The following ZBTB20 variants were observed in gnomAD, a reference collection of about 807,000 sequenced individuals.
ZBTB20 encodes the protein zinc finger and BTB domain containing 20.
In ZBTB20, 9 loss-of-function variants were observed where a neutral mutation model predicts 56.9. That is an observed-to-expected ratio of 0.16 (90% CI 0.10 to 0.28). The LOEUF (loss-of-function observed/expected upper bound fraction) is 0.28. Among genes scored for constraint, ZBTB20 ranks in the 10% least tolerant of loss-of-function variants. The pLI, the probability that ZBTB20 is intolerant of heterozygous loss-of-function variation, is 1.00. For synonymous variants in ZBTB20, 417 were observed against 420.7 expected (o/e 0.99, Z 0.11); for missense variants, 655 against 1,003.0 (o/e 0.65, Z 4.69).
intron 3 of ZBTB20, among the ~76,000 whole-genome samples, chr3:114,952,223 A>G (rs943510590): frequency 3.3e-5 from 5 of 152,104 alleles, no homozygotes; most frequent in African/African-American, 1.2e-4. Flanking sequence ...GAGGTAAGTA[A>G]GATAGACTAA....
intron 6 of ZBTB20, among the ~76,000 whole-genome samples, chr3:114,575,084 A>G (rs1158864010): frequency 6.6e-6 from 1 of 152,210 alleles, no homozygotes; most frequent in East Asian, 1.9e-4. Flanking sequence ...TGAACTACCC[A>G]TGGTCATGGA....
intron 7 of ZBTB20, among the ~76,000 whole-genome samples, chr3:114,427,704 T>G (rs1378698130): frequency 1.3e-5 from 2 of 152,250 alleles, no homozygotes; most frequent in South Asian, 4.1e-4. Context: ...TGTCTGGGTC[T>G]TCCCCTCAGC....
chr3:114,350,391 A>G lies in ZBTB20; in HGVS notation c.1687T>C (p.Ser563Pro), dbSNP rs1576281165. Residue 563 changes from serine (S) to proline (P), a missense_variant, in exon 11 of 12, where the codon TCC becomes CCC. Physicochemically the swap from Ser to Pro is moderately conservative, Grantham distance 74. Transcript: ENST00000675478. ...QLPAPQPLASSAGHSTASGQG... is the reference protein window; with the variant it reads ...QLPAPQPLASPAGHSTASGQG... ...CCACTGGCTGTGCTGTGGCCTGCGG[A>G]TGAGGCCAGGGGCTGTGGCGCTGGC... 6.2e-7 allele frequency: 1 copy of G among 1,613,990 alleles called. No individual in the cohort carries two copies. Among genetic ancestry groups the G allele is most frequent in the Non-Finnish European group, 8.5e-7 (1 of 1,180,002 alleles).
intron 2 of ZBTB20, among the ~76,000 whole-genome samples, chr3:114,998,126 A>T (rs769935162): frequency 5.9e-5 from 9 of 151,742 alleles, no homozygotes; most frequent in Non-Finnish European, 1.2e-4. Flanking sequence ...GCAAATTAGT[A>T]TAGATAGGTC....
At chr3:114,526,638 C>G (rs1356778913) in intron 6 of ZBTB20, among the ~76,000 whole-genome samples, 1 of 152,150 alleles carries the variant, frequency 6.6e-6, no homozygotes, top group Non-Finnish European at 1.5e-5. Context: ...AACCTTTTAC[C>G]AGGTTTTGCT....
chr3:114,911,544 A>G (rs149559823), intron 3 of ZBTB20, among the ~76,000 whole-genome samples: 2,001 of 152,208 alleles, frequency 0.013, 23 homozygotes, highest in Non-Finnish European at 0.023. Flanking sequence ...TCATTAAAAA[A>G]TTAGTTTAGT....
chr3:115,003,184 T>C (rs891771512), intron 2 of ZBTB20, among the ~76,000 whole-genome samples: 1 of 151,622 alleles, frequency 6.6e-6, no homozygotes, highest in Admixed American at 6.6e-5. Flanking sequence ...AGGATTTCTA[T>C]GGCAGTGAAA....
At chr3:114,742,508 T>A (rs1301728862) in intron 5 of ZBTB20, among the ~76,000 whole-genome samples, 3 of 152,190 alleles carry the variant, frequency 2.0e-5, no homozygotes, top group Non-Finnish European at 2.9e-5. Flanking sequence ...CCAGGTACGA[T>A]GTCAAACATT....
chr3:114,945,670 A>G (rs1460786904), intron 3 of ZBTB20, among the ~76,000 whole-genome samples: 2 of 145,788 alleles, frequency 1.4e-5, no homozygotes, highest in African/African-American at 2.8e-5. Context: ...GTACAGTAAG[A>G]TGATAGAATT....
chr3:114,369,565 C>T (rs1174713375), intron 10 of ZBTB20, among the ~76,000 whole-genome samples: 2 of 152,182 alleles, frequency 1.3e-5, no homozygotes, highest in African/African-American at 2.4e-5. Flanking sequence ...TTCCAGATCA[C>T]CATCCTACAG....
At chr3:114,742,650 A>G (rs1254273311) in intron 5 of ZBTB20, among the ~76,000 whole-genome samples, 3 of 152,220 alleles carry the variant, frequency 2.0e-5, no homozygotes, top group Admixed American at 2.0e-4. Flanking sequence ...TAACTAAGTG[A>G]AAGAGCCAAG....
chr3:114,995,189 A>G (rs1439736298), intron 2 of ZBTB20, among the ~76,000 whole-genome samples: 3 of 151,916 alleles, frequency 2.0e-5, no homozygotes, highest in Non-Finnish European at 2.9e-5. Context: ...TGTAAACACA[A>G]GGGAACTTCA....
chr3:114,790,332 C>A (rs1188557836), intron 5 of ZBTB20, among the ~76,000 whole-genome samples: 1 of 151,678 alleles, frequency 6.6e-6, no homozygotes, highest in Admixed American at 6.6e-5. Flanking sequence ...TTTTTTTGTT[C>A]CCAACTCTGT....
chr3:114,628,674 A>C (rs17680775), intron 6 of ZBTB20, among the ~76,000 whole-genome samples: 9,778 of 152,166 alleles, frequency 0.064, 469 homozygotes, highest in Non-Finnish European at 0.1. Context: ...AACTTTTTGA[A>C]ATTTCCCATT....
chr3:114,823,252 G>A (rs989843657), intron 4 of ZBTB20, among the ~76,000 whole-genome samples: 3 of 152,086 alleles, frequency 2.0e-5, no homozygotes, highest in Admixed American at 1.3e-4. Context: ...AGGCATGTAG[G>A]GAGGGCATCC....
chr3:114,360,558 G>T (rs1344715908), intron 10 of ZBTB20, among the ~76,000 whole-genome samples: 2 of 149,480 alleles, frequency 1.3e-5, no homozygotes, highest in Non-Finnish European at 3.0e-5. Flanking sequence ...TCACTAAGTT[G>T]GTCAGGCTGG....
intron 7 of ZBTB20, among the ~76,000 whole-genome samples, chr3:114,485,430 T>C (rs1399435691): frequency 6.6e-6 from 1 of 152,224 alleles, no homozygotes; most frequent in Non-Finnish European, 1.5e-5. Flanking sequence ...TCTGCATCCA[T>C]ATTGGGGGTT....
At chr3:114,900,416 C>G (rs2075063027) in intron 3 of ZBTB20, 74 bp from the exon 4 acceptor site, 1 of 151,684 alleles carries the variant, frequency 6.6e-6, no homozygotes, top group Admixed American at 6.6e-5. Flanking sequence ...TGCAACAATT[C>G]CTGCAGAGAA....
At chr3:114,395,908 T>A (rs976077473) in intron 7 of ZBTB20, among the ~76,000 whole-genome samples, 10 of 152,146 alleles carry the variant, frequency 6.6e-5, no homozygotes, top group African/African-American at 2.4e-4. Context: ...TCTGTTAATA[T>A]AAGTTGCACA....
Sources: allele counts gnomAD v4.1 joint callset (sites outside exome capture counted in the v4.1 genomes callset), GRCh38; gene constraint gnomAD v4.1.1; transcripts MANE v1.5; gene names NCBI Gene and HGNC (gene_info 2026-07-23, HGNC 2026-07-21).